Variants in NKAIN3 observed in about 807,000 individuals in gnomAD.
NKAIN3 encodes the protein sodium/potassium-transporting ATPase subunit beta-1-interacting protein 3.
Under a neutral mutation model 30.2 loss-of-function variants are expected in NKAIN3, and 25 were observed. That is an observed-to-expected ratio of 0.83 (90% confidence interval 0.60 to 1.16). The LOEUF (loss-of-function observed/expected upper bound fraction) is 1.16, where lower values mean the gene tolerates loss of function less well. Ranked by LOEUF, NKAIN3 falls within the 50% of genes most tolerant of loss-of-function variation. The pLI, the probability that NKAIN3 is intolerant of heterozygous loss-of-function variation, is 0.00. For synonymous variants in NKAIN3, 91 were observed against 89.6 expected, an observed-to-expected ratio of 1.02 and a Z score of -0.09; for missense variants, 225 against 254.1, an observed-to-expected ratio of 0.89 and a Z score of 0.78.
intron 1 of NKAIN3, among the ~76,000 whole-genome samples, chr8:62,354,618 AT>A (rs1262734103): frequency 6.6e-6 from 1 of 151,932 alleles, no homozygotes; most frequent in African/African-American, 2.4e-5. Flanking sequence ...TAATTCTTGT[AT>A]TTTTAGTAGC....
At chr8:62,935,437 G>A (rs555400042) in intron 5 of NKAIN3, among the ~76,000 whole-genome samples, 1 of 152,136 alleles carries the variant, frequency 6.6e-6, no homozygotes, top group African/African-American at 2.4e-5. Context: ...GACACCCTGT[G>A]AGGCAGCCAT....
intron 3 of NKAIN3, among the ~76,000 whole-genome samples, chr8:62,668,598 A>G (rs1171176665): frequency 1.3e-5 from 2 of 152,208 alleles, no homozygotes; most frequent in Non-Finnish European, 2.9e-5. Context: ...CTGCGCAATC[A>G]TCTATGATAA....
intron 1 of NKAIN3, among the ~76,000 whole-genome samples, chr8:62,439,099 G>T (rs1381816753): frequency 1.3e-5 from 2 of 152,156 alleles, no homozygotes; most frequent in Non-Finnish European, 2.9e-5. Context: ...TTTATCCAAG[G>T]ATCACCAGAT....
At chr8:62,793,907 G>A (rs1265624732) in intron 4 of NKAIN3, among the ~76,000 whole-genome samples, 2 of 152,110 alleles carry the variant, frequency 1.3e-5, no homozygotes, top group African/African-American at 4.8e-5. Context: ...AGGTTGGGGG[G>A]AAATCACTAA....
Position 62,973,382 on chromosome 8 carries a change from T to G in NKAIN3, c.*7975T>G, listed in dbSNP as rs1823875085. Among the ~76,000 whole-genome samples the G allele has an allele frequency of 1.3e-5, 2 of 152,210 alleles. No homozygotes were observed. Among genetic ancestry groups the G allele is most frequent in the South Asian group, 4.1e-4 (2 of 4,830 alleles). ...ATTCTAACTGGTGTGAGGTGGTATCTCATTGTCGTTTTGATTTGCATTTCT... is the reference window on the plus strand; with the variant it reads ...ATTCTAACTGGTGTGAGGTGGTATCGCATTGTCGTTTTGATTTGCATTTCT... On this transcript the variant is annotated 3_prime_UTR_variant, in exon 7 of 7. Transcript: ENST00000623646.
intron 1 of NKAIN3, among the ~76,000 whole-genome samples, chr8:62,311,383 G>A (rs1280116478): frequency 6.7e-6 from 1 of 150,342 alleles, no homozygotes; most frequent in African/African-American, 2.5e-5. Context: ...CTCACAAAAG[G>A]CAGGCATTAT....
intron 1 of NKAIN3, among the ~76,000 whole-genome samples, chr8:62,414,407 T>TG (rs5891854): frequency 0.14 from 21,093 of 152,108 alleles, 1,758 homozygotes; most frequent in East Asian, 0.41. Flanking sequence ...ATGGGAAGTG[T>TG]GGAAAAAAAT....
rs1483356019 is a variant in NKAIN3, at chr8:62,708,525, T to A, written c.274-38407T>A. Reference sequence around the variant, plus strand: ...CTTCTTGATTTGAGTCTCCAGTTGGTCACTATTGATGTATAGAAGAGCTAC... The same window carrying A: ...CTTCTTGATTTGAGTCTCCAGTTGGACACTATTGATGTATAGAAGAGCTAC... On this transcript the variant is annotated intron_variant, in intron 3 of 6. Coordinates refer to ENST00000623646, the MANE Select transcript of NKAIN3 (RefSeq NM_001304533.3). Among the ~76,000 whole-genome samples the A allele has an allele frequency of 5.3e-5, 8 of 152,152 alleles. No homozygotes were observed. The East Asian group carries it at 1.5e-3, about 29-fold the overall frequency.
intron 3 of NKAIN3, among the ~76,000 whole-genome samples, chr8:62,594,089 C>T (rs1810744535): frequency 6.6e-6 from 1 of 151,884 alleles, no homozygotes; most frequent in South Asian, 2.1e-4. Context: ...TTTAAAAAAA[C>T]TTTGGGGTTT....
At chr8:62,504,398 C>T (rs574574140) in intron 1 of NKAIN3, among the ~76,000 whole-genome samples, 2 of 152,280 alleles carry the variant, frequency 1.3e-5, no homozygotes, top group East Asian at 3.9e-4. Flanking sequence ...ACTACATTCT[C>T]TCCAATGACT....
At chr8:62,374,917 G>T (rs1268702346) in intron 1 of NKAIN3, among the ~76,000 whole-genome samples, 1 of 152,116 alleles carries the variant, frequency 6.6e-6, no homozygotes, top group Non-Finnish European at 1.5e-5. Flanking sequence ...CATAAAAAGA[G>T]CTGCACAACT....
chr8:62,795,729 A>G (rs1817839887), intron 4 of NKAIN3, among the ~76,000 whole-genome samples: 1 of 152,286 alleles, frequency 6.6e-6, no homozygotes, highest in East Asian at 1.9e-4. Context: ...GGTTCAGTAT[A>G]TATTATTCAC....
chr8:62,511,647 G>T (rs891921902), intron 1 of NKAIN3, among the ~76,000 whole-genome samples: 2 of 152,104 alleles, frequency 1.3e-5, no homozygotes, highest in Non-Finnish European at 2.9e-5. Flanking sequence ...ATGTACATTT[G>T]TCTCCCTCTT....
intron 1 of NKAIN3, among the ~76,000 whole-genome samples, chr8:62,343,259 A>G (rs1308840768): frequency 6.6e-6 from 1 of 151,898 alleles, no homozygotes; most frequent in Non-Finnish European, 1.5e-5. Context: ...GGGGGTAATA[A>G]TAGTGCCTAT....
intron 1 of NKAIN3, among the ~76,000 whole-genome samples, chr8:62,407,332 C>A (rs1804103312): frequency 6.7e-6 from 1 of 148,598 alleles, no homozygotes; most frequent in Admixed American, 6.7e-5. Context: ...CTTTTAGGAT[C>A]ATGGTATATA....
chr8:62,792,143 A>G (rs1050677227), intron 4 of NKAIN3, among the ~76,000 whole-genome samples: 2 of 152,106 alleles, frequency 1.3e-5, no homozygotes, highest in African/African-American at 4.8e-5. Context: ...CTTCAATGTG[A>G]ATACTCCTAA....
At chr8:62,466,045 A>C (rs570761949) in intron 1 of NKAIN3, among the ~76,000 whole-genome samples, 108 of 152,196 alleles carry the variant, frequency 7.1e-4, no homozygotes, top group African/African-American at 2.3e-3. Flanking sequence ...AGAAAGAAAA[A>C]AAAGTTTTGA....
chr8:62,319,621 T>C (rs1444995561), intron 1 of NKAIN3, among the ~76,000 whole-genome samples: 5 of 152,338 alleles, frequency 3.3e-5, no homozygotes, highest in East Asian at 1.9e-4. Context: ...GGTTGTTCAG[T>C]TTCCATGTAG....
chr8:62,770,044 A>G (rs2130634026), intron 4 of NKAIN3, among the ~76,000 whole-genome samples: 1 of 152,290 alleles, frequency 6.6e-6, no homozygotes, highest in East Asian at 1.9e-4. Context: ...GACAAAGATG[A>G]CATGTCCATC....
Sources: allele counts gnomAD v4.1 joint callset (sites outside exome capture counted in the v4.1 genomes callset), GRCh38; gene constraint gnomAD v4.1.1; transcripts MANE v1.5; gene names NCBI Gene and HGNC (gene_info 2026-07-23, HGNC 2026-07-21).